SOS2: variants seen among roughly 807,000 people sequenced by gnomAD.
SOS2 encodes son of sevenless homolog 2.
In SOS2, 65 loss-of-function variants were observed where a neutral mutation model predicts 148.2. That is an observed-to-expected ratio of 0.44 (90% CI 0.36 to 0.54). The LOEUF (loss-of-function observed/expected upper bound fraction) is 0.54. SOS2 is among the 20% of genes least tolerant of loss of function. The pLI is 0.00. For missense variants in SOS2, 1,341 were observed against 1,590.2 expected, an observed-to-expected ratio of 0.84 and a Z score of 2.67; for synonymous variants, 539 against 537.1, an observed-to-expected ratio of 1.00 and a Z score of -0.05.
chr14:50,119,571 GC>G (rs1883430506), intron 22 of SOS2, among the ~76,000 whole-genome samples: 1 of 150,742 alleles, frequency 6.6e-6, no homozygotes, highest in Non-Finnish European at 1.5e-5. Flanking sequence ...TTGCTCTGTC[GC>G]CCAGGCTGGA....
chr14:50,224,257 C>G, intron 1 of SOS2, among the ~76,000 whole-genome samples: 1 of 148,960 alleles, frequency 6.7e-6, no homozygotes, highest in African/African-American at 2.5e-5. Flanking sequence ...CACCACTGCA[C>G]TCCAGCCTGG....
chr14:50,167,818 C>T (rs933836740), intron 8 of SOS2, among the ~76,000 whole-genome samples: 29 of 27,924 alleles, frequency 1.0e-3, no homozygotes, highest in African/African-American at 1.8e-3. Flanking sequence ...TGTAGTGAGC[C>T]GAGATCACCA....
intron 5 of SOS2, among the ~76,000 whole-genome samples, chr14:50,182,902 G>A (rs1010759064): frequency 1.3e-5 from 2 of 152,026 alleles, no homozygotes; most frequent in Admixed American, 6.6e-5. Flanking sequence ...GGTGGTACTC[G>A]TTTTCTACAT....
intron 21 of SOS2, among the ~76,000 whole-genome samples, chr14:50,121,528 GGGA>G (rs144022711): frequency 0.7 from 64,309 of 92,104 alleles, 21,513 homozygotes; most frequent in Middle Eastern, 0.75. Context: ...TACTTCCTGG[GGGA>G]GGGGGGGGAG....
intron 19 of SOS2, among the ~76,000 whole-genome samples, chr14:50,132,747 G>A (rs1322320310): frequency 6.6e-6 from 1 of 152,114 alleles, no homozygotes; most frequent in Non-Finnish European, 1.5e-5. Context: ...AGTTTGTAGA[G>A]GGTCAAAGAA....
rs768766517 is a variant in SOS2, at chr14:50,172,419, C to CTTTTT, written c.1068+2030_1068+2034dup. Among the ~76,000 whole-genome samples the CTTTTT allele has an allele frequency of 2.2e-3, 183 of 82,740 alleles. 13 individuals are homozygous for CTTTTT. The highest frequency in any genetic ancestry group is 3.0e-3 in the African/African-American group (60 of 19,848). The allele number at this position is 82,740 out of a possible 152,430, so 54.3% of individuals were successfully genotyped here. A position where few individuals can be genotyped will look rare whatever the true frequency, so the allele number is the denominator to read the frequency against. ...ATGGGTAGTTTCTCTTTATTCATTC[C>CTTTTT]TTTTTTTTTTTTTTCTGAGATGGAG... On this transcript the variant is annotated intron_variant, in intron 8 of 22. Transcript: ENST00000216373.
chr14:50,166,556 C>G (rs1351788048), intron 8 of SOS2, among the ~76,000 whole-genome samples: 7 of 152,116 alleles, frequency 4.6e-5, no homozygotes, highest in African/African-American at 1.4e-4. Flanking sequence ...ATGAACCTAG[C>G]TGAAGAATAT....
At chr14:50,140,772 A>AT (rs568485254) in intron 16 of SOS2, among the ~76,000 whole-genome samples, 91 of 152,332 alleles carry the variant, frequency 6.0e-4, no homozygotes, top group Admixed American at 1.8e-3. Context: ...CACAGAGGAT[A>AT]TGACTGCCCA....
At chr14:50,226,413 T>C (rs1054698499) in intron 1 of SOS2, among the ~76,000 whole-genome samples, 1 of 152,192 alleles carries the variant, frequency 6.6e-6, no homozygotes, top group Non-Finnish European at 1.5e-5. Context: ...TCCAGTGCCA[T>C]CTTCTAAAAC....
In SOS2 at chr14:50,129,985, C is replaced by A; in HGVS notation, c.3355G>T (p.Ala1119Ser). ...CTTGAATGTGGCAAAAGCACTGGAG[C>A]AAAGATGCTATTGCTGCCTATTGGA... ...NSSCGSNSIF[A>S]PVLLPHSKSF... is the part of the protein sequence containing the mutation. The change falls in exon 21 of 23, where the codon GCT becomes TCT. Residue 1119 changes from alanine (A) to serine (S), a missense_variant. Transcript: ENST00000216373. 6.3e-7 allele frequency: 1 copy of A among 1,593,684 alleles called. No individual in the cohort carries two copies. The highest frequency in any genetic ancestry group is 8.6e-7 in the Non-Finnish European group (1 of 1,165,368).
At chr14:50,189,330 G>GAAAAAAAAAAA (rs1566472509) in intron 4 of SOS2, among the ~76,000 whole-genome samples, 7 of 3,586 alleles carry the variant, frequency 2.0e-3, no homozygotes, top group East Asian at 0.017. Context: ...ACACATAATA[G>GAAAAAAAAAAA]CAAAAAAAAA....
At chr14:50,179,755 A>G (rs965896802) in intron 7 of SOS2, among the ~76,000 whole-genome samples, 5 of 152,200 alleles carry the variant, frequency 3.3e-5, no homozygotes, top group Non-Finnish European at 5.9e-5. Flanking sequence ...TGAGATAGTA[A>G]AAATAAAATT....
intron 16 of SOS2, among the ~76,000 whole-genome samples, chr14:50,141,317 C>G (rs1229130274): frequency 2.0e-5 from 3 of 150,492 alleles, no homozygotes; most frequent in Non-Finnish European, 2.9e-5. Context: ...GCCAGGAGTT[C>G]GAAACCAGTC....
intron 12 of SOS2, among the ~76,000 whole-genome samples, chr14:50,154,868 TA>T (rs1884766087): frequency 6.6e-6 from 1 of 152,162 alleles, no homozygotes; most frequent in Non-Finnish European, 1.5e-5. Flanking sequence ...GCGTTTGGAT[TA>T]TGGAGATACA....
chr14:50,138,323 A>AT (rs927221467), intron 18 of SOS2, among the ~76,000 whole-genome samples: 13 of 150,306 alleles, frequency 8.6e-5, no homozygotes, highest in East Asian at 2.0e-4. Flanking sequence ...TGCCCAGCTA[A>AT]TTTTTTTTTA....
At chr14:50,166,479 T>C (rs563438534) in intron 8 of SOS2, among the ~76,000 whole-genome samples, 16 of 152,192 alleles carry the variant, frequency 1.1e-4, no homozygotes, top group Non-Finnish European at 1.8e-4. Flanking sequence ...TCCACCTTCC[T>C]TGGCCTCCTA....
intron 12 of SOS2, among the ~76,000 whole-genome samples, chr14:50,153,760 C>G (rs1884733695): frequency 1.3e-5 from 2 of 152,120 alleles, no homozygotes; most frequent in African/African-American, 4.8e-5. Context: ...TTATAGACGC[C>G]CGCCACCATG....
chr14:50,130,844 C>T, intron 19 of SOS2, 82 bp from the exon 20 acceptor site: 1 of 1,199,010 alleles, frequency 8.3e-7, no homozygotes, highest in Non-Finnish European at 1.2e-6. Context: ...CCTTATTAGT[C>T]TTATTAGTTC....
intron 19 of SOS2, among the ~76,000 whole-genome samples, chr14:50,133,763 G>A (rs1883984719): frequency 6.6e-6 from 1 of 152,126 alleles, no homozygotes; most frequent in Admixed American, 6.6e-5. Flanking sequence ...AGCCCTAATG[G>A]CAGAAGTCAT....
Sources: allele counts gnomAD v4.1 joint callset (sites outside exome capture counted in the v4.1 genomes callset), GRCh38; gene constraint gnomAD v4.1.1; transcripts MANE v1.5; gene names NCBI Gene and HGNC (gene_info 2026-07-23, HGNC 2026-07-21).